The following TNR variants were observed in gnomAD, a reference collection of about 807,000 sequenced individuals.
TNR encodes the protein tenascin R.
TNR carries 45 observed loss-of-function variants against 150.4 expected under a neutral mutation model. That is an observed-to-expected ratio of 0.30 (90% CI 0.24 to 0.38). TNR has a LOEUF of 0.38. Ranked by LOEUF, TNR falls within the 10% of genes least tolerant of loss-of-function variation. The pLI is 1.00. For missense variants in TNR, 1,544 were observed against 1,759.1 expected, an observed-to-expected ratio of 0.88 and a Z score of 2.19; for synonymous variants, 687 against 678.4, an observed-to-expected ratio of 1.01 and a Z score of -0.20.
intron 2 of TNR, among the ~76,000 whole-genome samples, chr1:175,415,376 C>A (rs1654394433): frequency 6.6e-6 from 1 of 152,168 alleles, no homozygotes; most frequent in Non-Finnish European, 1.5e-5. Context: ...TGAAAAGAAC[C>A]CGAGGGCAGA....
At chr1:175,476,435 C>T (rs1657548584) in intron 2 of TNR, among the ~76,000 whole-genome samples, 1 of 152,100 alleles carries the variant, frequency 6.6e-6, no homozygotes, top group African/African-American at 2.4e-5. Flanking sequence ...TTTGATGCTC[C>T]CCACTCCACT....
intron 15 of TNR, among the ~76,000 whole-genome samples, chr1:175,357,053 C>A (rs1385354295): frequency 6.6e-6 from 1 of 152,180 alleles, no homozygotes; most frequent in Non-Finnish European, 1.5e-5. Context: ...AAGATTATTG[C>A]TAATCAAAGA....
At chr1:175,546,395 G>A (rs1275077298) in intron 1 of TNR, among the ~76,000 whole-genome samples, 2 of 152,168 alleles carry the variant, frequency 1.3e-5, no homozygotes, top group Admixed American at 1.3e-4. Flanking sequence ...TGCTGGTGTA[G>A]CGGCCATCAA....
intron 1 of TNR, among the ~76,000 whole-genome samples, chr1:175,529,556 G>A (rs1557988753): frequency 6.6e-6 from 1 of 152,216 alleles, no homozygotes; most frequent in African/African-American, 2.4e-5. Context: ...CCAGGACTGG[G>A]AGGTGTTGCA....
intron 2 of TNR, among the ~76,000 whole-genome samples, chr1:175,448,746 G>A (rs185360668): frequency 9.2e-5 from 14 of 152,302 alleles, no homozygotes; most frequent in East Asian, 3.9e-4. Flanking sequence ...ATTCACTTTC[G>A]TGACCACTAG....
At chr1:175,738,575 C>A (rs537260141) in intron 1 of TNR, among the ~76,000 whole-genome samples, 1 of 151,904 alleles carries the variant, frequency 6.6e-6, no homozygotes, top group Admixed American at 6.6e-5. Context: ...TGAGAAAGTT[C>A]GGAAAATGGA....
chr1:175,705,606 C>T lies in TNR; in HGVS notation c.-165+37620G>A, dbSNP rs182663466. 1.1e-4 allele frequency among the ~76,000 whole-genome samples: 16 copies of T among 151,468 alleles called. No homozygotes were observed. In the East Asian group the frequency reaches 2.3e-3, roughly 22 times the overall value. Reference sequence around the variant, plus strand: ...ATGTATGTGTGTATGTGTGTGTGTGCGTGCGTGTGTGTGTATTTGGCTGAA... The same window carrying T: ...ATGTATGTGTGTATGTGTGTGTGTGTGTGCGTGTGTGTGTATTTGGCTGAA... On this transcript the variant is annotated intron_variant, in intron 1 of 22. Transcript: ENST00000367674.
At chr1:175,528,031 C>T (rs1659916388) in intron 2 of TNR, among the ~76,000 whole-genome samples, 1 of 152,166 alleles carries the variant, frequency 6.6e-6, no homozygotes, top group Non-Finnish European at 1.5e-5. Flanking sequence ...TCATGAAATG[C>T]ATTCAGAAAT....
At chr1:175,448,887 G>T (rs1356967319) in intron 2 of TNR, among the ~76,000 whole-genome samples, 1 of 152,186 alleles carries the variant, frequency 6.6e-6, no homozygotes, top group South Asian at 2.1e-4. Context: ...CCAAAAAACA[G>T]GTCTGGTCTG....
intron 20 of TNR, among the ~76,000 whole-genome samples, chr1:175,331,556 C>G (rs1032116900): frequency 2.0e-5 from 3 of 152,132 alleles, no homozygotes; most frequent in Non-Finnish European, 4.4e-5. Context: ...AGCCACTGTG[C>G]CTGGCCGATA....
chr1:175,551,409 A>G (rs1660930550), intron 1 of TNR, among the ~76,000 whole-genome samples: 1 of 152,230 alleles, frequency 6.6e-6, no homozygotes, highest in South Asian at 2.1e-4. Flanking sequence ...TGCAGGCCAC[A>G]AAACAAAGGA....
chr1:175,376,879 T>C (rs201804219), intron 9 of TNR, among the ~76,000 whole-genome samples: 1,488 of 146,538 alleles, frequency 0.01, 25 homozygotes, highest in African/African-American at 0.032. Context: ...TATATATATA[T>C]ACACATATAT....
intron 1 of TNR, among the ~76,000 whole-genome samples, chr1:175,573,377 C>A: frequency 6.6e-6 from 1 of 152,132 alleles, no homozygotes; most frequent in East Asian, 1.9e-4. Flanking sequence ...CTGCAGCAGT[C>A]GTGTGGGAGA....
At chr1:175,526,387 C>T (rs1295593810) in intron 2 of TNR, among the ~76,000 whole-genome samples, 1 of 152,208 alleles carries the variant, frequency 6.6e-6, no homozygotes, top group African/African-American at 2.4e-5. Context: ...TCCTGGGCCC[C>T]TTCCCCCAGA....
chr1:175,709,082 T>C (rs536971189), intron 1 of TNR, among the ~76,000 whole-genome samples: 1 of 152,228 alleles, frequency 6.6e-6, no homozygotes, highest in East Asian at 1.9e-4. Flanking sequence ...TTCCATGAGA[T>C]GACCTCTGCC....
At chr1:175,384,875 C>T (rs1652850598) in intron 8 of TNR, among the ~76,000 whole-genome samples, 1 of 152,222 alleles carries the variant, frequency 6.6e-6, no homozygotes, top group Admixed American at 6.5e-5. Context: ...TGGTGTCCAT[C>T]TGTTTCACTT....
At chr1:175,559,459 G>GT (rs1447482293) in intron 1 of TNR, among the ~76,000 whole-genome samples, 5 of 152,100 alleles carry the variant, frequency 3.3e-5, no homozygotes, top group Admixed American at 1.3e-4. Flanking sequence ...TGAAAATTGT[G>GT]TTTTTCCACC....
At position 175,315,197 on chromosome 1, in the gene TNR, C is replaced by T. The variant is rs1557858389; in HGVS notation, c.*8160G>A. ...TAGGACTCAGAAGACACGCATCTTT[C>T]TTTCAGGATCTTTTATTAACGTATA... is the stretch of plus-strand genomic sequence containing the variant. On this transcript the variant is annotated 3_prime_UTR_variant, in exon 23 of 23. Coordinates refer to ENST00000367674, the MANE Select transcript of TNR (RefSeq NM_003285.3). The T allele has an allele frequency of 6.6e-6, 1 of 152,136 alleles. No individual in the cohort carries two copies. Among genetic ancestry groups the T allele is most frequent in the Non-Finnish European group, 1.5e-5 (1 of 68,034 alleles). The allele number at this position is 152,136 out of a possible 1,614,324, so 9.4% of individuals were successfully genotyped here. A position where few individuals can be genotyped will look rare whatever the true frequency, so the allele number is the denominator to read the frequency against.
At chr1:175,692,756 C>T (rs903324255) in intron 1 of TNR, among the ~76,000 whole-genome samples, 2 of 152,034 alleles carry the variant, frequency 1.3e-5, no homozygotes, top group African/African-American at 4.8e-5. Flanking sequence ...ACTTCACAGG[C>T]CCTAGTATAG....
Sources: gnomAD v4.1 joint callset for allele counts (sites outside exome capture counted in the v4.1 genomes callset) on GRCh38, gnomAD v4.1.1 for gene constraint, MANE v1.5 for transcripts, NCBI Gene and HGNC (gene_info 2026-07-23, HGNC 2026-07-21) for gene names.